BOC: variants seen among roughly 807,000 people sequenced by gnomAD.
BOC encodes the protein brother of CDO.
In BOC, 76 loss-of-function variants were observed where a neutral mutation model predicts 112.0. The observed-to-expected ratio is 0.68, with a 90% CI of 0.56 to 0.82. The LOEUF (loss-of-function observed/expected upper bound fraction) is 0.82, where lower values mean the gene tolerates loss of function less well. Ranked by LOEUF, BOC falls within the 40% of genes least tolerant of loss-of-function variation. The probability of loss-of-function intolerance (pLI) is 0.00; values close to 1 mark genes in which losing one functional copy is unlikely to be tolerated. For missense variants in BOC, 1,309 were observed against 1,511.7 expected (o/e 0.87, Z 2.22); for synonymous variants, 580 against 599.8 (o/e 0.97, Z 0.48).
Position 113,268,404 on chromosome 3 carries a change from T to C in BOC, c.482T>C (p.Val161Ala), listed in dbSNP as rs1373669657. The change falls in exon 5 of 20, where the codon GTC becomes GCC. Residue 161 changes from valine (V) to alanine (A), a missense_variant. Transcript: ENST00000682979. ...HLPESHPKAQVRYSVKQEWLE... is the reference protein window; with the variant it reads ...HLPESHPKAQARYSVKQEWLE... Reference sequence around the variant, plus strand: ...CCTGAGAGCCACCCCAAAGCCCAGGTCCGGTACAGCGTCAAACAAGAGTGG... The same window carrying C: ...CCTGAGAGCCACCCCAAAGCCCAGGCCCGGTACAGCGTCAAACAAGAGTGG... 1 of 1,614,052 alleles carries C rather than the reference T, an allele frequency of 6.2e-7. No individual in the cohort carries two copies. Among genetic ancestry groups the C allele is most frequent in the Non-Finnish European group, 8.5e-7 (1 of 1,180,002 alleles).
At chr3:113,219,130 G>T (rs1940067441) in intron 2 of BOC, among the ~76,000 whole-genome samples, 1 of 152,240 alleles carries the variant, frequency 6.6e-6, no homozygotes, top group Admixed American at 6.5e-5. Flanking sequence ...AAGAGAAGGA[G>T]CACACACAAG....
Position 113,250,175 on chromosome 3 carries a change from C to T in BOC, c.97+276C>T, listed in dbSNP as rs544087901. On this transcript the variant is annotated intron_variant, in intron 3 of 19. Transcript: ENST00000682979. ...ATTGTGCACTTACTGTACAGTGTCA[C>T]GGCAGGCAATTTACACATATCGTTT... Among the ~76,000 whole-genome samples the T allele has an allele frequency of 3.2e-4, 49 of 152,302 alleles. No homozygotes were observed. In the South Asian group the frequency reaches 9.9e-3, roughly 31 times the overall value.
At chr3:113,267,777 G>A (rs1947652061) in intron 4 of BOC, among the ~76,000 whole-genome samples, 4 of 152,226 alleles carry the variant, frequency 2.6e-5, no homozygotes, top group African/African-American at 9.6e-5. Context: ...GCCCAGGCCA[G>A]CGTGCAGTGG....
At chr3:113,222,136 T>C (rs1278991747) in intron 2 of BOC, among the ~76,000 whole-genome samples, 4 of 152,236 alleles carry the variant, frequency 2.6e-5, no homozygotes, top group Non-Finnish European at 4.4e-5. Flanking sequence ...CTCCATGTTA[T>C]CACCTCCTGG....
chr3:113,265,811 C>T (rs1947416854), intron 4 of BOC, among the ~76,000 whole-genome samples: 1 of 152,348 alleles, frequency 6.6e-6, no homozygotes, highest in Admixed American at 6.5e-5. Flanking sequence ...GAAAGCAGAG[C>T]ATTAAACTGG....
intron 5 of BOC, 108 bp downstream of exon 5, chr3:113,268,553 A>AC (rs1357819657): frequency 4.8e-6 from 5 of 1,045,754 alleles, no homozygotes; most frequent in Non-Finnish European, 4.2e-6. Flanking sequence ...TGTCTCCCAA[A>AC]CCCCCCTCAA....
intron 2 of BOC, among the ~76,000 whole-genome samples, chr3:113,234,366 CACATGGGCATGTGCACACATGTGTGT>C (rs1434655498): frequency 2.0e-5 from 3 of 152,044 alleles, no homozygotes; most frequent in African/African-American, 7.2e-5. Context: ...TGTATGTGTG[CACATGGGCATGTGCACACATGTGTGT>C]AGGAACCTGT....
Position 113,276,466 on chromosome 3 carries a change from C to T in BOC, c.1543-1629C>T, listed in dbSNP as rs141494549. The stretch of plus-strand genomic sequence containing the variant: ...CCTGCTGCGTCTGGCTTCTCTCAGG[C>T]TCCAGCCTGGGGTCTCCTCAGCCTG... On this transcript the variant is annotated intron_variant, in intron 9 of 19. Coordinates refer to ENST00000682979, the MANE Select transcript of BOC (RefSeq NM_001378074.1). Among the ~76,000 whole-genome samples the T allele has an allele frequency of 1.9e-3, 284 of 152,352 alleles. 2 individuals carry two copies. The highest frequency in any genetic ancestry group is 6.6e-3 in the African/African-American group (276 of 41,578).
At chr3:113,233,653 T>G (rs1015424872) in intron 2 of BOC, among the ~76,000 whole-genome samples, 2 of 152,162 alleles carry the variant, frequency 1.3e-5, no homozygotes, top group African/African-American at 4.8e-5. Flanking sequence ...CTTAACAGTG[T>G]GCTGGGCTCT....
intron 4 of BOC, among the ~76,000 whole-genome samples, chr3:113,263,262 A>G (rs1227540203): frequency 6.6e-6 from 1 of 152,184 alleles, no homozygotes; most frequent in Non-Finnish European, 1.5e-5. Flanking sequence ...CCGTGACCTA[A>G]TGGATCCCAT....
In BOC at chr3:113,284,540, G is replaced by A. The variant is rs1311498706; in HGVS notation, c.2862G>A (p.Gln954=). Residue 954 remains glutamine, a synonymous_variant, in exon 17 of 20, where the codon CAG becomes CAA. Coordinates refer to ENST00000682979, the MANE Select transcript of BOC (RefSeq NM_001378074.1). ...AAVGYPGMKP[Q]QHCPGELQQQ... ...TGGGCTACCCGGGCATGAAGCCCCA[G>A]CAGCACTGCCCAGGCGAGCTTCAGC... The A allele has an allele frequency of 1.2e-6, 2 of 1,613,644 alleles. No individual in the cohort carries two copies. Among genetic ancestry groups the A allele is most frequent in the Admixed American group, 3.3e-5 (2 of 59,974 alleles).
At chr3:113,266,518 G>A (rs1160300534) in intron 4 of BOC, among the ~76,000 whole-genome samples, 1 of 152,176 alleles carries the variant, frequency 6.6e-6, no homozygotes, top group Non-Finnish European at 1.5e-5. Context: ...GCTCTTGTCT[G>A]TTTGTTCAAA....
rs1448185281 is a variant in BOC at position 113,287,063 on chromosome 3, T to C, written c.*201T>C. The C allele has an allele frequency of 3.0e-6, 2 of 662,212 alleles. No individual in the cohort carries two copies. Among genetic ancestry groups the C allele is most frequent in the Non-Finnish European group, 2.6e-6 (1 of 382,358 alleles). 41.0% of individuals were successfully genotyped at this position (662,212 alleles called of 1,614,324 possible). A position where few individuals can be genotyped will look rare whatever the true frequency, so the allele number is the denominator to read the frequency against. Reference sequence around the variant, plus strand: ...ACCCGTTGAGGTTGGAGAGGGAAAATAAAGAAGCTGCCACCTAACAGGAGT... The same window carrying C: ...ACCCGTTGAGGTTGGAGAGGGAAAACAAAGAAGCTGCCACCTAACAGGAGT... On this transcript the variant is annotated 3_prime_UTR_variant, in exon 20 of 20. Transcript: ENST00000682979.
Position 113,223,274 on chromosome 3 carries a change from T to C in BOC, c.-82+7000T>C, listed in dbSNP as rs116241695. 4.2e-3 allele frequency among the ~76,000 whole-genome samples: 643 copies of C among 152,302 alleles called. 6 individuals carry two copies. The highest frequency in any genetic ancestry group is 0.014 in the African/African-American group (592 of 41,570). On this transcript the variant is annotated intron_variant, in intron 2 of 19. Coordinates refer to ENST00000682979, the MANE Select transcript of BOC (RefSeq NM_001378074.1). ...TTTGTTTTGTTTTGCTTTTAATTAG[T>C]AGCCCTTTTTAAAAACAATTTCAGG...
At chr3:113,234,440 G>T (rs1342081908) in intron 2 of BOC, among the ~76,000 whole-genome samples, 1 of 152,178 alleles carries the variant, frequency 6.6e-6, no homozygotes, top group Non-Finnish European at 1.5e-5. Context: ...GCCTTTGTTA[G>T]TGTTTCTGGC....
rs780756202 is a variant in BOC at position 113,274,580 on chromosome 3, G to A, written c.1440G>A (p.Ser480=). 1.4e-5 allele frequency: 22 copies of A among 1,613,508 alleles called. No homozygotes were observed. The highest frequency in any genetic ancestry group is 1.2e-4 in the South Asian group (11 of 91,094). ...APAEAPIILS[S]PRTSKTDSYE... ...CCGAGGCTCCCATCATCCTCAGCTC[G>A]CCCCGCACCTCCAAGACAGACTCAT... The change falls in exon 9 of 20, where the codon TCG becomes TCA. Residue 480 remains serine (S), a synonymous_variant. Coordinates refer to ENST00000682979, the MANE Select transcript of BOC (RefSeq NM_001378074.1). This position sits in a 1 kb window ranked among gnomAD's most constrained non-coding sequence, Gnocchi z 4.8.
intron 2 of BOC, among the ~76,000 whole-genome samples, chr3:113,218,061 G>A (rs959222718): frequency 2.6e-5 from 4 of 152,140 alleles, no homozygotes; most frequent in South Asian, 2.1e-4. Flanking sequence ...TTTTAAGGAC[G>A]TGAAAGTTGC....
chr3:113,214,802 C>G (rs1939020693), intron 1 of BOC, among the ~76,000 whole-genome samples: 1 of 152,224 alleles, frequency 6.6e-6, no homozygotes, highest in African/African-American at 2.4e-5. Flanking sequence ...ATTCAGCAAA[C>G]ATTTTTAGTG....
Position 113,215,597 on chromosome 3 carries a change from C to T in BOC, c.-169-590C>T, listed in dbSNP as rs146990195. Among the ~76,000 whole-genome samples, 643 of 152,314 alleles carry T rather than the reference C, an allele frequency of 4.2e-3. 2 individuals are homozygous for T. Among genetic ancestry groups the T allele is most frequent in the Admixed American group, 6.7e-3 (103 of 15,310 alleles). ...ATGCCCTTGACAATTGTTGCTGGCA[C>T]GTGGCTGGGCCCCCAGTGCCAACCT... On this transcript the variant is annotated intron_variant, in intron 1 of 19. Coordinates refer to ENST00000682979, the MANE Select transcript of BOC (RefSeq NM_001378074.1).
Sources: gnomAD v4.1 joint callset for allele counts (sites outside exome capture counted in the v4.1 genomes callset) on GRCh38, gnomAD v4.1.1 for gene constraint, Gnocchi (gnomAD v3.1) non-coding constraint, MANE v1.5 for transcripts, NCBI Gene and HGNC (gene_info 2026-07-23, HGNC 2026-07-21) for gene names.